Variants in KCTD16 observed in about 807,000 individuals in gnomAD.
The protein encoded by KCTD16 is potassium channel tetramerization domain containing 16, also known as BTB/POZ domain-containing protein KCTD16.
A neutral mutation model predicts 33.2 loss-of-function variants in KCTD16; 13 were observed. The ratio of observed to expected loss-of-function variants is 0.39; its 90% CI spans 0.25 to 0.62. The LOEUF (loss-of-function observed/expected upper bound fraction) is 0.62, where lower values mean the gene tolerates loss of function less well. KCTD16 is among the 20% of genes least tolerant of loss of function. KCTD16 has a pLI of 0.50. For synonymous variants in KCTD16, 197 were observed against 195.3 expected (o/e 1.01, Z -0.07); for missense variants, 441 against 525.1 (o/e 0.84, Z 1.57).
intron 3 of KCTD16, among the ~76,000 whole-genome samples, chr5:144,278,908 T>C (rs1755526609): frequency 6.6e-6 from 1 of 152,192 alleles, no homozygotes; most frequent in African/African-American, 2.4e-5. Context: ...TCGGGGAGAT[T>C]TGAGGAAAAT....
At chr5:144,272,057 T>C (rs11748907) in intron 3 of KCTD16, among the ~76,000 whole-genome samples, 35,490 of 152,070 alleles carry the variant, frequency 0.23, 4,371 homozygotes, top group Non-Finnish European at 0.28. Context: ...AATTGGAAGA[T>C]ATAATATATT....
chr5:144,364,342 T>C (rs1055420875), intron 3 of KCTD16, among the ~76,000 whole-genome samples: 1 of 152,172 alleles, frequency 6.6e-6, no homozygotes, highest in African/African-American at 2.4e-5. Flanking sequence ...TTACTTTTCA[T>C]TTTTTTGTTT....
chr5:144,211,065 G>C (rs187992085), intron 3 of KCTD16, among the ~76,000 whole-genome samples: 2 of 152,152 alleles, frequency 1.3e-5, no homozygotes, highest in Admixed American at 6.6e-5. Context: ...CTAAAATTTA[G>C]AGTTGCTTCC....
intron 3 of KCTD16, among the ~76,000 whole-genome samples, chr5:144,415,364 T>C (rs111868724): frequency 0.015 from 2,328 of 152,060 alleles, 55 homozygotes; most frequent in African/African-American, 0.053. Context: ...GCAACAACCA[T>C]ATTACCATTA....
intron 3 of KCTD16, among the ~76,000 whole-genome samples, chr5:144,445,740 T>A (rs1253338001): frequency 6.6e-6 from 1 of 151,946 alleles, no homozygotes; most frequent in East Asian, 1.9e-4. Flanking sequence ...CTAGACCTTT[T>A]TTTTTTGTTT....
At chr5:144,409,735 T>C (rs1752890600) in intron 3 of KCTD16, among the ~76,000 whole-genome samples, 1 of 151,964 alleles carries the variant, frequency 6.6e-6, no homozygotes. Flanking sequence ...GGGAATTGCT[T>C]GAAAGCAGGA....
chr5:144,386,769 A>G (rs1752332646), intron 3 of KCTD16, among the ~76,000 whole-genome samples: 1 of 152,236 alleles, frequency 6.6e-6, no homozygotes, highest in African/African-American at 2.4e-5. Context: ...GGTAAAACAA[A>G]AAAACAAACA....
chr5:144,392,834 GAA>G (rs1334560391), intron 3 of KCTD16, among the ~76,000 whole-genome samples: 2 of 152,156 alleles, frequency 1.3e-5, no homozygotes, highest in African/African-American at 4.8e-5. Flanking sequence ...ATGCGCACGT[GAA>G]GCCTCCATCA....
At chr5:144,461,885 T>C (rs553355781) in intron 3 of KCTD16, among the ~76,000 whole-genome samples, 131 of 152,318 alleles carry the variant, frequency 8.6e-4, no homozygotes, top group Middle Eastern at 6.8e-3. Flanking sequence ...CTTTATTTAA[T>C]TATCACTTTT....
chr5:144,472,919 T>C (rs1754509940), intron 3 of KCTD16, among the ~76,000 whole-genome samples: 1 of 152,216 alleles, frequency 6.6e-6, no homozygotes, highest in Non-Finnish European at 1.5e-5. Flanking sequence ...ATTGGCATGG[T>C]TATGGCCCTT....
chr5:144,244,301 A>G (rs1754488963), intron 3 of KCTD16, among the ~76,000 whole-genome samples: 1 of 152,222 alleles, frequency 6.6e-6, no homozygotes, highest in Non-Finnish European at 1.5e-5. Flanking sequence ...ATGCTAAGAC[A>G]TGGTTCCTGC....
intron 3 of KCTD16, among the ~76,000 whole-genome samples, chr5:144,282,166 T>C (rs1755625386): frequency 6.6e-6 from 1 of 152,150 alleles, no homozygotes; most frequent in African/African-American, 2.4e-5. Flanking sequence ...CTCTAGGAAG[T>C]AGAAAGGATC....
At chr5:144,394,459 T>C (rs534592016) in intron 3 of KCTD16, among the ~76,000 whole-genome samples, 10 of 152,360 alleles carry the variant, frequency 6.6e-5, no homozygotes, top group African/African-American at 2.2e-4. Flanking sequence ...GTTGCCATAG[T>C]TGTTCTCTGA....
chr5:144,378,250 G>T (rs1311411666), intron 3 of KCTD16, among the ~76,000 whole-genome samples: 3 of 152,148 alleles, frequency 2.0e-5, no homozygotes, highest in African/African-American at 4.8e-5. Context: ...GTAGTGAAAA[G>T]TAATAGAAGA....
At chr5:144,393,621 C>G (rs1175313419) in intron 3 of KCTD16, among the ~76,000 whole-genome samples, 1 of 151,964 alleles carries the variant, frequency 6.6e-6, no homozygotes, top group African/African-American at 2.4e-5. Flanking sequence ...TTAAGAAAGC[C>G]AAGTCTTCTC....
At chr5:144,304,991 T>C (rs1751560138) in intron 3 of KCTD16, among the ~76,000 whole-genome samples, 1 of 149,392 alleles carries the variant, frequency 6.7e-6, no homozygotes, top group South Asian at 2.2e-4. Context: ...TTTTTTTTTT[T>C]TTTTTTTTTT....
intron 3 of KCTD16, among the ~76,000 whole-genome samples, chr5:144,447,463 G>T (rs1162716164): frequency 6.6e-6 from 1 of 151,966 alleles, no homozygotes; most frequent in Admixed American, 6.6e-5. Flanking sequence ...TGTAGATGAT[G>T]GGTTGGTGGG....
intron 3 of KCTD16, among the ~76,000 whole-genome samples, chr5:144,220,595 C>T (rs933331763): frequency 6.6e-6 from 1 of 151,942 alleles, no homozygotes; most frequent in African/African-American, 2.4e-5. Context: ...TATACATACA[C>T]ACTTACTATA....
Position 144,236,638 on chromosome 5 carries a change from C to G in KCTD16, c.832+29092C>G, listed in dbSNP as rs1052094006. Among the ~76,000 whole-genome samples, 4 of 152,194 alleles carry G rather than the reference C, an allele frequency of 2.6e-5. No individual in the cohort carries two copies. The Middle Eastern group carries it at 0.01, about 388-fold the overall frequency. ...CTTGCTGTTAGGATAGTAAGGTAGG[C>G]AGGGTAATTTAGGAAAGGCATCAGA... On this transcript the variant is annotated intron_variant, in intron 3 of 3. Coordinates refer to ENST00000512467, the MANE Select transcript of KCTD16 (RefSeq NM_020768.4).
Sources: allele counts gnomAD v4.1 joint callset (sites outside exome capture counted in the v4.1 genomes callset), GRCh38; gene constraint gnomAD v4.1.1; transcripts MANE v1.5; gene names NCBI Gene and HGNC (gene_info 2026-07-23, HGNC 2026-07-21).